PAM: variants seen among roughly 807,000 people sequenced by gnomAD.
The protein encoded by PAM is peptidyl-glycine alpha-amidating monooxygenase.
In PAM, 72 loss-of-function variants were observed where a neutral mutation model predicts 122.1. That is an observed-to-expected ratio of 0.59 (90% CI 0.49 to 0.72). The LOEUF (loss-of-function observed/expected upper bound fraction) is 0.72, where lower values mean the gene tolerates loss of function less well. Among genes scored for constraint, PAM ranks in the 30% least tolerant of loss-of-function variants. The pLI is 0.00. For missense variants in PAM, 1,106 were observed against 1,183.7 expected (o/e 0.93, Z 0.96); for synonymous variants, 389 against 404.4 (o/e 0.96, Z 0.46).
At chr5:102,900,413 T>C in intron 3 of PAM, among the ~76,000 whole-genome samples, 1 of 151,610 alleles carries the variant, frequency 6.6e-6, no homozygotes, top group East Asian at 1.9e-4. Flanking sequence ...AGATCACATC[T>C]CAGTAATTTT....
chr5:102,833,187 A>G (rs914270944), intron 1 of PAM, among the ~76,000 whole-genome samples: 15 of 152,130 alleles, frequency 9.9e-5, no homozygotes, highest in African/African-American at 3.4e-4. Flanking sequence ...TGCACATCAT[A>G]TCTTTGCCAG....
chr5:102,913,732 T>C (rs978349507), intron 4 of PAM, among the ~76,000 whole-genome samples: 4 of 152,008 alleles, frequency 2.6e-5, no homozygotes, highest in African/African-American at 9.7e-5. Flanking sequence ...TTCAGCCTTA[T>C]TTTTCCTTTT....
intron 3 of PAM, among the ~76,000 whole-genome samples, chr5:102,874,368 A>G (rs1180155907): frequency 6.6e-6 from 1 of 152,192 alleles, no homozygotes; most frequent in Non-Finnish European, 1.5e-5. Flanking sequence ...CTTGTCATCC[A>G]CTGTCAATTG....
chr5:102,880,860 T>A (rs1790749965), intron 3 of PAM, among the ~76,000 whole-genome samples: 1 of 152,068 alleles, frequency 6.6e-6, no homozygotes, highest in Non-Finnish European at 1.5e-5. Flanking sequence ...ACAAAATAAA[T>A]TATTTCTTTG....
At chr5:102,946,531 TAG>T (rs1039335968) in intron 7 of PAM, among the ~76,000 whole-genome samples, 3 of 149,434 alleles carry the variant, frequency 2.0e-5, no homozygotes, top group Non-Finnish European at 4.4e-5. Context: ...AGATAATGCA[TAG>T]AGAGTATTAA....
intron 1 of PAM, among the ~76,000 whole-genome samples, chr5:102,776,164 G>A (rs552308561): frequency 5.9e-5 from 9 of 151,874 alleles, no homozygotes; most frequent in African/African-American, 2.2e-4. Context: ...TTCAAGTCTT[G>A]TGCCCACTTT....
Position 102,900,255 on chromosome 5 carries a change from G to GTGTGTGTC in PAM, c.211-1101_211-1100insTGTGTGTC, listed in dbSNP as rs1554107232. ...TTCAGGTCTCTTAATGTGTGTGTGT[G>GTGTGTGTC]GGGGGGGGGCGGGGGGAAGAGGGTA... On this transcript the variant is annotated intron_variant, in intron 3 of 25. Coordinates refer to ENST00000438793, the MANE Select transcript of PAM (RefSeq NM_001177306.2). Among the ~76,000 whole-genome samples, 245 of 82,866 alleles carry GTGTGTGTC rather than the reference G, an allele frequency of 3.0e-3. 3 individuals are homozygous for GTGTGTGTC. The highest frequency in any genetic ancestry group is 0.011 in the African/African-American group (231 of 20,120). 54.4% of individuals were successfully genotyped at this position (82,866 alleles called of 152,430 possible).
At chr5:102,886,082 AT>A (rs1793000311) in intron 3 of PAM, among the ~76,000 whole-genome samples, 1 of 152,052 alleles carries the variant, frequency 6.6e-6, no homozygotes, top group African/African-American at 2.4e-5. Flanking sequence ...TTATAAATGT[AT>A]AAATCTGAGA....
intron 22 of PAM, among the ~76,000 whole-genome samples, chr5:103,018,653 G>C (rs2151258879): frequency 6.6e-6 from 1 of 152,286 alleles, no homozygotes; most frequent in African/African-American, 2.4e-5. Flanking sequence ...TGACTAAAGT[G>C]TGGATTTTCA....
chr5:102,900,261 G>A (rs1034997511), intron 3 of PAM, among the ~76,000 whole-genome samples: 14 of 119,512 alleles, frequency 1.2e-4, no homozygotes, highest in African/African-American at 4.4e-4. Flanking sequence ...GTGTGGGGGG[G>A]GGGCGGGGGG....
chr5:102,763,605 G>C (rs1753038695), intron 1 of PAM, among the ~76,000 whole-genome samples: 1 of 152,226 alleles, frequency 6.6e-6, no homozygotes, highest in Non-Finnish European at 1.5e-5. Context: ...CTGAGGAAGT[G>C]ACACTTGATT....
intron 1 of PAM, among the ~76,000 whole-genome samples, chr5:102,864,151 T>C (rs1411064019): frequency 2.7e-5 from 4 of 148,034 alleles, no homozygotes; most frequent in Non-Finnish European, 6.0e-5. Flanking sequence ...TATTAAAATA[T>C]AATCCCTTCT....
chr5:103,004,850 A>G (rs1482168926), intron 17 of PAM, among the ~76,000 whole-genome samples: 2 of 152,200 alleles, frequency 1.3e-5, no homozygotes, highest in African/African-American at 4.8e-5. Context: ...ATGACCTCAG[A>G]ACCTGTTTTT....
chr5:103,000,781 C>A (rs775302386), intron 16 of PAM, among the ~76,000 whole-genome samples: 17 of 152,106 alleles, frequency 1.1e-4, no homozygotes, highest in Non-Finnish European at 2.2e-4. Flanking sequence ...TATCAGATCT[C>A]ATGAGAACTC....
intron 1 of PAM, among the ~76,000 whole-genome samples, chr5:102,765,968 T>C (rs1309111199): frequency 6.6e-6 from 1 of 152,218 alleles, no homozygotes; most frequent in Non-Finnish European, 1.5e-5. Context: ...AACATCTTTT[T>C]TTTTTATGGG....
intron 17 of PAM, among the ~76,000 whole-genome samples, chr5:103,003,548 C>T (rs923488186): frequency 1.3e-5 from 2 of 152,110 alleles, no homozygotes; most frequent in Non-Finnish European, 2.9e-5. Context: ...GTCATAACAT[C>T]ACATTGTACC....
At chr5:102,814,785 G>A (rs903684870) in intron 1 of PAM, among the ~76,000 whole-genome samples, 3 of 151,798 alleles carry the variant, frequency 2.0e-5, no homozygotes, top group African/African-American at 4.8e-5. Context: ...TTTACTTGAT[G>A]GCAGATCTGC....
At chr5:102,844,149 G>A (rs1779368816) in intron 1 of PAM, among the ~76,000 whole-genome samples, 1 of 152,182 alleles carries the variant, frequency 6.6e-6, no homozygotes, top group African/African-American at 2.4e-5. Flanking sequence ...ATTGATACAT[G>A]CAACAACTTG....
intron 3 of PAM, among the ~76,000 whole-genome samples, chr5:102,870,341 GAAAC>G (rs1260719933): frequency 1.3e-5 from 2 of 152,032 alleles, no homozygotes; most frequent in Non-Finnish European, 2.9e-5. Context: ...CTTAGATAGA[GAAAC>G]AAGCAGATGT....
Sources: gnomAD v4.1 joint callset for allele counts (sites outside exome capture counted in the v4.1 genomes callset) on GRCh38, gnomAD v4.1.1 for gene constraint, MANE v1.5 for transcripts, NCBI Gene and HGNC (gene_info 2026-07-23, HGNC 2026-07-21) for gene names.